The following DLG2 variants were observed in gnomAD, a reference collection of about 807,000 sequenced individuals.
The protein encoded by DLG2 is discs large MAGUK scaffold protein 2.
Under a neutral mutation model 132.5 loss-of-function variants are expected in DLG2, and 45 were observed. The ratio of observed to expected loss-of-function variants is 0.34; its 90% CI spans 0.27 to 0.44. The LOEUF is 0.44. Ranked by LOEUF, DLG2 falls within the 20% of genes least tolerant of loss-of-function variation. DLG2 has a pLI of 1.00. For missense variants in DLG2, 1,045 were observed against 1,196.9 expected, an observed-to-expected ratio of 0.87 and a Z score of 1.87; for synonymous variants, 424 against 419.6, an observed-to-expected ratio of 1.01 and a Z score of -0.13.
chr11:84,578,350 T>A (rs914050762), intron 6 of DLG2, among the ~76,000 whole-genome samples: 1 of 151,956 alleles, frequency 6.6e-6, no homozygotes, highest in Non-Finnish European at 1.5e-5. Context: ...TGAAAAAGCC[T>A]CAGACACTCA....
At chr11:85,480,132 G>A (rs2093251908) in intron 3 of DLG2, among the ~76,000 whole-genome samples, 1 of 152,122 alleles carries the variant, frequency 6.6e-6, no homozygotes, top group East Asian at 1.9e-4. Flanking sequence ...GGCAAGGAAT[G>A]GGGAGAAAAA....
intron 7 of DLG2, chr11:84,317,464 AC>A (rs2098372570): frequency 2.2e-5 from 18 of 800,476 alleles, no homozygotes; most frequent in Non-Finnish European, 2.9e-5. Context: ...TGTGTTACAA[AC>A]CCTTTTTGGA....
At chr11:84,365,910 C>T (rs887644129) in intron 7 of DLG2, among the ~76,000 whole-genome samples, 45 of 152,152 alleles carry the variant, frequency 3.0e-4, no homozygotes, top group African/African-American at 1.0e-3. Context: ...TCCAGGAGAA[C>T]TTCCCCAATC....
At chr11:83,521,044 C>T (rs2095467022) in intron 21 of DLG2, among the ~76,000 whole-genome samples, 1 of 152,210 alleles carries the variant, frequency 6.6e-6, no homozygotes, top group South Asian at 2.1e-4. Context: ...GGCAAAGGCT[C>T]AGGCGTCCTT....
chr11:83,668,068 TAA>T (rs3040176), intron 18 of DLG2, among the ~76,000 whole-genome samples: 31,554 of 79,666 alleles, frequency 0.4, 4,453 homozygotes, highest in African/African-American at 0.44. Flanking sequence ...GGAAATGAAG[TAA>T]AAAAAAAAAA....
intron 6 of DLG2, among the ~76,000 whole-genome samples, chr11:84,685,262 A>G (rs1047025647): frequency 1.3e-5 from 2 of 152,180 alleles, no homozygotes; most frequent in Non-Finnish European, 2.9e-5. Flanking sequence ...GCCTTTCCAT[A>G]TTTGTGTCCT....
At chr11:85,611,091 G>A (rs543020755) in intron 2 of DLG2, among the ~76,000 whole-genome samples, 2 of 152,246 alleles carry the variant, frequency 1.3e-5, no homozygotes, top group South Asian at 4.1e-4. Context: ...GAGACAGCAG[G>A]GATAGCTCTT....
At chr11:83,524,730 T>G (rs376844245) in intron 21 of DLG2, among the ~76,000 whole-genome samples, 2 of 152,178 alleles carry the variant, frequency 1.3e-5, no homozygotes, top group East Asian at 1.9e-4. Flanking sequence ...TGCTTTGCAC[T>G]TACGTAATAT....
At chr11:84,303,160 A>C (rs773294004) in intron 7 of DLG2, among the ~76,000 whole-genome samples, 2 of 152,174 alleles carry the variant, frequency 1.3e-5, no homozygotes, top group African/African-American at 2.4e-5. Context: ...ACATATTTTT[A>C]AAAATTGTAA....
At chr11:85,528,445 T>C (rs1480591610) in intron 3 of DLG2, among the ~76,000 whole-genome samples, 1 of 152,122 alleles carries the variant, frequency 6.6e-6, no homozygotes, top group Non-Finnish European at 1.5e-5. Flanking sequence ...TAAATTTCAT[T>C]CATCATTAGG....
At chr11:83,611,757 A>T (rs891641108) in intron 19 of DLG2, among the ~76,000 whole-genome samples, 2 of 152,226 alleles carry the variant, frequency 1.3e-5, no homozygotes, top group Admixed American at 6.5e-5. Context: ...CCGCTGAAGC[A>T]GTAAGGGACT....
At chr11:85,567,814 T>A (rs1233102834) in intron 3 of DLG2, among the ~76,000 whole-genome samples, 1 of 152,110 alleles carries the variant, frequency 6.6e-6, no homozygotes, top group African/African-American at 2.4e-5. Context: ...TCCTAGTTTT[T>A]TGAGTATTTG....
At chr11:84,020,577 A>T (rs1263997539) in intron 11 of DLG2, among the ~76,000 whole-genome samples, 1 of 152,248 alleles carries the variant, frequency 6.6e-6, no homozygotes, top group African/African-American at 2.4e-5. Context: ...AGATGAAATC[A>T]CTGTCAAGGA....
At chr11:85,217,365 C>G (rs1175472344) in intron 4 of DLG2, among the ~76,000 whole-genome samples, 2 of 150,240 alleles carry the variant, frequency 1.3e-5, no homozygotes, top group Non-Finnish European at 3.0e-5. Flanking sequence ...ATCATGCACA[C>G]AGAGTCAATT....
intron 4 of DLG2, among the ~76,000 whole-genome samples, chr11:85,193,623 G>A (rs1292845174): frequency 6.6e-6 from 1 of 152,120 alleles, no homozygotes; most frequent in East Asian, 1.9e-4. Context: ...TTTCCCTAAT[G>A]ATTAATGTTA....
intron 6 of DLG2, among the ~76,000 whole-genome samples, chr11:84,886,447 G>A (rs758615007): frequency 1.3e-5 from 2 of 152,020 alleles, no homozygotes; most frequent in South Asian, 4.1e-4. Flanking sequence ...TCCTTAAAGG[G>A]AGATTCCACA....
rs1045442410 is a variant in DLG2, at chr11:85,063,613, G to A, written c.357+48048C>T. 5.9e-5 allele frequency among the ~76,000 whole-genome samples: 9 copies of A among 151,976 alleles called. No individual in the cohort carries two copies. In the East Asian group the frequency reaches 1.6e-3, roughly 26 times the overall value. ...TCTTTCTACAAAACAAAAGTTTTAA[G>A]TTATAAAGCATAGACTTAAGTAGAA... On this transcript the variant is annotated intron_variant, in intron 6 of 27. Coordinates refer to ENST00000376104, the MANE Select transcript of DLG2 (RefSeq NM_001142699.3).
chr11:83,999,280 A>C (rs1039840045), intron 11 of DLG2, among the ~76,000 whole-genome samples: 1 of 152,016 alleles, frequency 6.6e-6, no homozygotes, highest in Non-Finnish European at 1.5e-5. Flanking sequence ...AAATCCTCCC[A>C]TGTGCTTGAG....
At chr11:84,418,423 G>A (rs906506654) in intron 7 of DLG2, among the ~76,000 whole-genome samples, 4 of 152,202 alleles carry the variant, frequency 2.6e-5, no homozygotes, top group East Asian at 3.9e-4. Flanking sequence ...ATTTAATTTC[G>A]TCCTTATACC....
Sources: allele counts gnomAD v4.1 joint callset (sites outside exome capture counted in the v4.1 genomes callset), GRCh38; gene constraint gnomAD v4.1.1; transcripts MANE v1.5; gene names NCBI Gene and HGNC (gene_info 2026-07-23, HGNC 2026-07-21).